The following CREB3L2 variants were observed in gnomAD, a reference collection of about 807,000 sequenced individuals.
The protein encoded by CREB3L2 is cAMP responsive element binding protein 3 like 2.
A neutral mutation model predicts 57.2 loss-of-function variants in CREB3L2; 23 were observed. The ratio of observed to expected loss-of-function variants is 0.40; its 90% confidence interval spans 0.29 to 0.57. The LOEUF (loss-of-function observed/expected upper bound fraction) is 0.57, where lower values mean the gene tolerates loss of function less well. Ranked by LOEUF, CREB3L2 falls within the 20% of genes least tolerant of loss-of-function variation. CREB3L2 has a pLI of 0.42. For synonymous variants in CREB3L2, 268 were observed against 265.1 expected (o/e 1.01, Z -0.11); for missense variants, 628 against 634.7 (o/e 0.99, Z 0.11).
intron 1 of CREB3L2, chr7:137,956,667 C>A: frequency 7.9e-7 from 1 of 1,270,970 alleles, no homozygotes; most frequent in Non-Finnish European, 1.0e-6. Flanking sequence ...TGAAACAGCA[C>A]AATTTAACAA....
chr7:137,925,117 G>A (rs1350909429), intron 2 of CREB3L2, among the ~76,000 whole-genome samples: 1 of 152,098 alleles, frequency 6.6e-6, no homozygotes, highest in African/African-American at 2.4e-5. Flanking sequence ...GGAGGATGGA[G>A]GGAGGAAGGG....
intron 8 of CREB3L2, among the ~76,000 whole-genome samples, chr7:137,898,922 AGGAGGGAG>A (rs759850737): frequency 7.9e-5 from 11 of 139,260 alleles, no homozygotes; most frequent in African/African-American, 7.8e-5. Flanking sequence ...AAAATGTGGA[AGGAGGGAG>A]GGAGGGAGGG....
chr7:137,926,727 G>A (rs1431862450), intron 2 of CREB3L2, among the ~76,000 whole-genome samples: 1 of 152,190 alleles, frequency 6.6e-6, no homozygotes, highest in East Asian at 1.9e-4. Flanking sequence ...AAGTTAGTGA[G>A]TATTCCTCAC....
intron 1 of CREB3L2, among the ~76,000 whole-genome samples, chr7:137,971,821 C>G (rs1314028896): frequency 6.6e-6 from 1 of 151,722 alleles, no homozygotes; most frequent in African/African-American, 2.4e-5. Flanking sequence ...AATTGGATGT[C>G]ACTTAAGAAC....
chr7:137,970,644 G>A (rs540666966), intron 1 of CREB3L2, among the ~76,000 whole-genome samples: 1 of 152,348 alleles, frequency 6.6e-6, no homozygotes, highest in African/African-American at 2.4e-5. Context: ...CTTCAAAACA[G>A]ATTCCTTCTT....
chr7:137,957,620 C>G, intron 1 of CREB3L2: 2 of 459,992 alleles, frequency 4.3e-6, no homozygotes, highest in Non-Finnish European at 7.4e-6. Context: ...GTAAAGAACT[C>G]TTAAACTTGA....
intron 4 of CREB3L2, 131 bp downstream of exon 4, chr7:137,912,860 C>G (rs772462158): frequency 3.2e-6 from 5 of 1,539,964 alleles, no homozygotes; most frequent in South Asian, 2.4e-5. Context: ...TTTTTAAGAA[C>G]AGAGCTATTT....
intron 1 of CREB3L2, among the ~76,000 whole-genome samples, chr7:137,990,913 C>A (rs917020686): frequency 1.1e-4 from 16 of 152,258 alleles, no homozygotes; most frequent in Middle Eastern, 6.8e-3. Context: ...TTTCCCCAGA[C>A]TCCTCTTATT....
rs1040999071 is a variant in CREB3L2, at chr7:137,898,990, G to A, written c.1043+2364C>T. Among the ~76,000 whole-genome samples, 73 of 122,082 alleles carry A rather than the reference G, an allele frequency of 6.0e-4. 1 individual carries two copies. The highest frequency in any genetic ancestry group is 2.5e-3 in the African/African-American group (67 of 26,836). 80.1% of individuals were successfully genotyped at this position (122,082 alleles called of 152,430 possible). The stretch of plus-strand genomic sequence containing the variant: ...AAGGAAGGAAGGAAGGAAGGAAGGA[G>A]GGAGAAAGGAAGGAGAAGGGGAAAG... On this transcript the variant is annotated intron_variant, in intron 8 of 11. Transcript: ENST00000330387.
At chr7:137,892,750 C>T (rs2117186731) in intron 8 of CREB3L2, among the ~76,000 whole-genome samples, 1 of 152,184 alleles carries the variant, frequency 6.6e-6, no homozygotes, top group Non-Finnish European at 1.5e-5. Flanking sequence ...CCTTCCCACC[C>T]CACCCGAGTC....
chr7:137,972,031 A>C (rs1219542804), intron 1 of CREB3L2, among the ~76,000 whole-genome samples: 1 of 152,198 alleles, frequency 6.6e-6, no homozygotes, highest in African/African-American at 2.4e-5. Flanking sequence ...TGTTTTATTA[A>C]TAGCTATGTA....
At chr7:137,950,462 T>C (rs1801073882) in intron 1 of CREB3L2, among the ~76,000 whole-genome samples, 1 of 152,116 alleles carries the variant, frequency 6.6e-6, no homozygotes, top group Non-Finnish European at 1.5e-5. Context: ...AAATGTAAGG[T>C]GATATTATCA....
chr7:137,902,181 G>A (rs58861639), intron 7 of CREB3L2, among the ~76,000 whole-genome samples: 12,464 of 114,176 alleles, frequency 0.11, 1,947 homozygotes, highest in African/African-American at 0.36. Context: ...GCCACAGAGC[G>A]AGACTCTGTC....
At chr7:137,894,806 G>A (rs1799592302) in intron 8 of CREB3L2, among the ~76,000 whole-genome samples, 1 of 152,166 alleles carries the variant, frequency 6.6e-6, no homozygotes, top group Non-Finnish European at 1.5e-5. Flanking sequence ...TCTAAAGTTG[G>A]CTCTTGCTGG....
At chr7:137,979,728 AAACAAC>A (rs139819092) in intron 1 of CREB3L2, among the ~76,000 whole-genome samples, 17,286 of 150,288 alleles carry the variant, frequency 0.12, 1,250 homozygotes, top group East Asian at 0.23. Context: ...TCCGTCTCAA[AAACAAC>A]AACAACAACA....
chr7:137,994,280 C>A (rs1801947959), intron 1 of CREB3L2, among the ~76,000 whole-genome samples: 1 of 152,226 alleles, frequency 6.6e-6, no homozygotes, highest in Admixed American at 6.5e-5. Context: ...GCAGTTTTAG[C>A]TGCAGACAGG....
rs117557979 is a variant in CREB3L2 at position 137,982,483 on chromosome 7, G to A, written c.102+19121C>T. ...AGTTCCCATGTGTCATGGGAGGGAC[G>A]CAGTGGGAAGTCATTGAATCATGGG... is the stretch of plus-strand genomic sequence containing the variant. On this transcript the variant is annotated intron_variant, in intron 1 of 11. Transcript: ENST00000330387. Among the ~76,000 whole-genome samples, 251 of 152,160 alleles carry A rather than the reference G, an allele frequency of 1.6e-3. 3 individuals are homozygous for A. The highest frequency in any genetic ancestry group is 2.7e-3 in the Non-Finnish European group (184 of 68,002).
chr7:137,901,238 T>C (rs1319730661), intron 8 of CREB3L2, 116 bp downstream of exon 8: 6 of 702,336 alleles, frequency 8.5e-6, no homozygotes, highest in Admixed American at 2.3e-5. Context: ...TCAGCACAAC[T>C]GCACTTTCAC....
chr7:137,994,860 T>C (rs1272720551), intron 1 of CREB3L2, among the ~76,000 whole-genome samples: 1 of 152,210 alleles, frequency 6.6e-6, no homozygotes, highest in Non-Finnish European at 1.5e-5. Flanking sequence ...CAAATTACTG[T>C]GAATTTTAAA....
Sources: allele counts gnomAD v4.1 joint callset (sites outside exome capture counted in the v4.1 genomes callset), GRCh38; gene constraint gnomAD v4.1.1; transcripts MANE v1.5; gene names NCBI Gene and HGNC (gene_info 2026-07-23, HGNC 2026-07-21).